The following SOX6 variants were observed in gnomAD, a reference collection of about 807,000 sequenced individuals.
SOX6 encodes the protein SRY-box transcription factor 6.
SOX6 carries 11 observed loss-of-function variants against 97.8 expected under a neutral mutation model. That is an observed-to-expected ratio of 0.11 (90% CI 0.07 to 0.19). The LOEUF is 0.19. Among genes scored for constraint, SOX6 ranks in the 10% least tolerant of loss-of-function variants. SOX6 has a pLI of 1.00. For synonymous variants in SOX6, 360 were observed against 371.4 expected (o/e 0.97, Z 0.35); for missense variants, 810 against 1,039.5 (o/e 0.78, Z 3.04).
chr11:16,161,755 G>A lies in SOX6; in HGVS notation c.777+22131C>T, dbSNP rs190606397. On this transcript the variant is annotated intron_variant, in intron 6 of 15. Coordinates refer to ENST00000683767, the MANE Select transcript of SOX6 (RefSeq NM_001367873.1). ...TGACATAACTAGAACCTGGCACATG[G>A]TAGTACTTACTGAAAAAGTGAATTG... Among the ~76,000 whole-genome samples, 39 of 152,234 alleles carry A rather than the reference G, an allele frequency of 2.6e-4. No homozygotes were observed. The East Asian group carries it at 6.2e-3, about 24-fold the overall frequency.
At chr11:16,638,880 T>C (rs139710255) in intron 3 of SOX6, among the ~76,000 whole-genome samples, 3,516 of 152,324 alleles carry the variant, frequency 0.023, 143 homozygotes, top group African/African-American at 0.08. Flanking sequence ...ACCTGTTCAC[T>C]CTGATGGTAG....
chr11:16,467,133 A>C (rs1402631591), intron 1 of SOX6, among the ~76,000 whole-genome samples: 1 of 152,152 alleles, frequency 6.6e-6, no homozygotes, highest in Non-Finnish European at 1.5e-5. Context: ...AAAAGTCAAA[A>C]AATAACAGAT....
At chr11:16,271,152 T>C (rs929731002) in intron 3 of SOX6, among the ~76,000 whole-genome samples, 1 of 151,386 alleles carries the variant, frequency 6.6e-6, no homozygotes, top group Admixed American at 6.6e-5. Context: ...TCCAAGACTT[T>C]TTTTCCTTAG....
At chr11:16,292,971 C>G (rs192186185) in intron 3 of SOX6, among the ~76,000 whole-genome samples, 1 of 152,238 alleles carries the variant, frequency 6.6e-6, no homozygotes. Flanking sequence ...ATCATTTAAA[C>G]CGCTTAATCT....
At chr11:16,494,504 G>A (rs1410191778) in intron 4 of SOX6, among the ~76,000 whole-genome samples, 1 of 152,064 alleles carries the variant, frequency 6.6e-6, no homozygotes, top group Non-Finnish European at 1.5e-5. Flanking sequence ...GTATAATAAA[G>A]TACCATTTGT....
At chr11:16,398,979 G>C (rs112485788) in intron 1 of SOX6, among the ~76,000 whole-genome samples, 2,386 of 151,394 alleles carry the variant, frequency 0.016, 54 homozygotes, top group African/African-American at 0.055. Context: ...TGATTCAAAA[G>C]ATGATTATGA....
At chr11:16,520,468 T>C (rs1021297053) in intron 4 of SOX6, among the ~76,000 whole-genome samples, 13 of 152,336 alleles carry the variant, frequency 8.5e-5, no homozygotes, top group Middle Eastern at 6.8e-3. Context: ...TTCACCAGGT[T>C]AAACTTCTTA....
At chr11:16,650,253 C>T (rs1847625994) in intron 3 of SOX6, among the ~76,000 whole-genome samples, 1 of 152,034 alleles carries the variant, frequency 6.6e-6, no homozygotes. Flanking sequence ...AAATAATGGA[C>T]TTAAACTATA....
Position 16,306,627 on chromosome 11 carries a change from C to CTT in SOX6, c.445+11817_445+11818dup, listed in dbSNP as rs529819628. On this transcript the variant is annotated intron_variant, in intron 3 of 15. Transcript: ENST00000683767. ...CTCAAATTTCTTTTTTTTTTTTTTT[C>CTT]TTTTTTTTTTTTTCCTGAGACAGAT... 7.2e-4 allele frequency among the ~76,000 whole-genome samples: 77 copies of CTT among 106,478 alleles called. 1 individual carries two copies. Among genetic ancestry groups the CTT allele is most frequent in the Middle Eastern group, 5.4e-3 (1 of 186 alleles). The allele number at this position is 106,478 out of a possible 152,430, so 69.9% of individuals were successfully genotyped here. A position where few individuals can be genotyped will look rare whatever the true frequency, so the allele number is the denominator to read the frequency against.
chr11:16,650,515 T>C (rs1847633006), intron 3 of SOX6, among the ~76,000 whole-genome samples: 1 of 150,592 alleles, frequency 6.6e-6, no homozygotes, highest in African/African-American at 2.4e-5. Flanking sequence ...AATAATCTGC[T>C]CTTGAATAAT....
chr11:16,668,950 T>C (rs1349784808), intron 3 of SOX6, among the ~76,000 whole-genome samples: 2 of 152,216 alleles, frequency 1.3e-5, no homozygotes, highest in Non-Finnish European at 2.9e-5. Flanking sequence ...AGCTGGAGAC[T>C]TTAACACCAT....
chr11:16,275,710 T>C (rs1400815258), intron 3 of SOX6, among the ~76,000 whole-genome samples: 1 of 152,182 alleles, frequency 6.6e-6, no homozygotes, highest in Non-Finnish European at 1.5e-5. Flanking sequence ...AGAGTTGGAA[T>C]TGGAGTAGCA....
At chr11:16,479,447 T>C (rs1860306079), upstream of SOX6, among the ~76,000 whole-genome samples, 1 of 151,598 alleles carries the variant, frequency 6.6e-6, no homozygotes, top group Non-Finnish European at 1.5e-5. Flanking sequence ...TGAGAATCAC[T>C]TGAACCTGGG....
intron 4 of SOX6, among the ~76,000 whole-genome samples, chr11:16,589,696 G>A (rs1449221176): frequency 6.6e-6 from 1 of 151,998 alleles, no homozygotes. Flanking sequence ...TTGAGATAGA[G>A]ATTTATATCT....
chr11:16,445,410 C>T (rs1411055651), intron 1 of SOX6, among the ~76,000 whole-genome samples: 1 of 152,160 alleles, frequency 6.6e-6, no homozygotes, highest in Non-Finnish European at 1.5e-5. Context: ...TAAATTGCCC[C>T]ATGATTTGCA....
chr11:16,197,252 G>C (rs535313849), intron 4 of SOX6, among the ~76,000 whole-genome samples: 1 of 152,202 alleles, frequency 6.6e-6, no homozygotes, highest in Non-Finnish European at 1.5e-5. Context: ...GTCCAGTTCA[G>C]TCATGTTTTT....
chr11:16,547,681 G>C (rs555450106), intron 4 of SOX6, among the ~76,000 whole-genome samples: 4 of 152,038 alleles, frequency 2.6e-5, no homozygotes, highest in Non-Finnish European at 5.9e-5. Context: ...TACAAACAGA[G>C]AGACAAATAG....
intron 3 of SOX6, among the ~76,000 whole-genome samples, chr11:16,692,680 G>T (rs1848025012): frequency 6.6e-6 from 1 of 152,118 alleles, no homozygotes; most frequent in Non-Finnish European, 1.5e-5. Flanking sequence ...TCCCCAAAAG[G>T]TGTTTTGGTG....
chr11:16,280,494 C>T (rs1450501372), intron 3 of SOX6, among the ~76,000 whole-genome samples: 2 of 151,824 alleles, frequency 1.3e-5, no homozygotes, highest in Non-Finnish European at 2.9e-5. Context: ...CAGTCAGGGC[C>T]GCACCCTTCA....
Sources: gnomAD v4.1 joint callset for allele counts (sites outside exome capture counted in the v4.1 genomes callset) on GRCh38, gnomAD v4.1.1 for gene constraint, MANE v1.5 for transcripts, NCBI Gene and HGNC (gene_info 2026-07-23, HGNC 2026-07-21) for gene names.